Variants in PIK3C2G observed in about 807,000 individuals in gnomAD.
PIK3C2G encodes the protein phosphatidylinositol-4-phosphate 3-kinase catalytic subunit type 2 gamma.
A neutral mutation model predicts 181.1 loss-of-function variants in PIK3C2G; 168 were observed. The ratio of observed to expected loss-of-function variants is 0.93; its 90% confidence interval spans 0.82 to 1.05. The LOEUF is 1.05. PIK3C2G is among the 50% of genes least tolerant of loss of function. The pLI, the probability that PIK3C2G is intolerant of heterozygous loss-of-function variation, is 0.00. For synonymous variants in PIK3C2G, 573 were observed against 592.2 expected (o/e 0.97, Z 0.47); for missense variants, 1,869 against 1,732.8 (o/e 1.08, Z -1.40).
the PIK3C2G span, among the ~76,000 whole-genome samples, chr12:18,725,677 T>C: frequency 1.3e-5 from 2 of 152,176 alleles, no homozygotes; most frequent in African/African-American, 2.4e-5. Context: ...TCTGCTCTTA[T>C]CTTTTTCCTC....
At chr12:18,601,871 C>G (rs1947736634) in intron 30 of PIK3C2G, among the ~76,000 whole-genome samples, 1 of 152,104 alleles carries the variant, frequency 6.6e-6, no homozygotes, top group Non-Finnish European at 1.5e-5. Flanking sequence ...GTAGAGGAAG[C>G]AGCAGAAAGG....
intron 24 of PIK3C2G, among the ~76,000 whole-genome samples, chr12:18,529,761 T>C (rs1943444420): frequency 6.6e-6 from 1 of 152,156 alleles, no homozygotes; most frequent in Non-Finnish European, 1.5e-5. Flanking sequence ...ATATGGCCAT[T>C]TCCACTGTGA....
At chr12:18,303,139 T>TTTCTTTCTTTCTTTCTTCC (rs71302109) in intron 5 of PIK3C2G, among the ~76,000 whole-genome samples, 1 of 128,660 alleles carries the variant, frequency 7.8e-6, no homozygotes, top group South Asian at 2.5e-4. Context: ...TCTTTCTTTC[T>TTTCTTTCTTTCTTTCTTCC]TTTCTTTTCT....
intron 1 of PIK3C2G, among the ~76,000 whole-genome samples, chr12:18,271,974 T>C (rs1441923242): frequency 6.6e-6 from 1 of 152,160 alleles, no homozygotes; most frequent in Non-Finnish European, 1.5e-5. Context: ...ACCTCCCATG[T>C]CTAGAAATTT....
At position 18,648,283 on chromosome 12, in the gene PIK3C2G, A is replaced by G. The variant is rs1487201109; in HGVS notation, c.*255A>G. 3 of 252,046 alleles carry G rather than the reference A, an allele frequency of 1.2e-5. No homozygotes were observed. Among genetic ancestry groups the G allele is most frequent in the Non-Finnish European group, 2.3e-5 (3 of 131,802 alleles). The allele number at this position is 252,046 out of a possible 1,614,324, so 15.6% of individuals were successfully genotyped here. A position where few individuals can be genotyped will look rare whatever the true frequency, so the allele number is the denominator to read the frequency against. On this transcript the variant is annotated 3_prime_UTR_variant, in exon 33 of 33. Transcript: ENST00000538779. ...ATGTGTAAAATAATAAAAGACCTTT[A>G]TTAAATCATTTTAATATATTTTAAA... is the stretch of plus-strand genomic sequence containing the variant.
chr12:18,299,233 T>G (rs560907276), intron 5 of PIK3C2G, among the ~76,000 whole-genome samples: 1 of 152,092 alleles, frequency 6.6e-6, no homozygotes, highest in African/African-American at 2.4e-5. Context: ...AGATTTGTAG[T>G]TTTCCTTGCA....
At chr12:18,626,418 T>C (rs938921822) in intron 31 of PIK3C2G, among the ~76,000 whole-genome samples, 2 of 152,006 alleles carry the variant, frequency 1.3e-5, no homozygotes, top group Non-Finnish European at 2.9e-5. Flanking sequence ...AATTTTGTCT[T>C]TGTGCCTGGG....
chr12:18,566,745 TA>T (rs1945657263), intron 28 of PIK3C2G, among the ~76,000 whole-genome samples: 1 of 152,184 alleles, frequency 6.6e-6, no homozygotes, highest in African/African-American at 2.4e-5. Flanking sequence ...ATTAAGTTAG[TA>T]TTAATATTAA....
rs1026882280 is a variant in PIK3C2G, at chr12:18,631,746, G to C, written c.4183-8683G>C. 6.6e-5 allele frequency among the ~76,000 whole-genome samples: 10 copies of C among 152,198 alleles called. No homozygotes were observed. In the South Asian group the frequency reaches 2.1e-3, roughly 32 times the overall value. On this transcript the variant is annotated intron_variant, in intron 31 of 32. Coordinates refer to ENST00000538779, the MANE Select transcript of PIK3C2G (RefSeq NM_001288772.2). ...GTGGATTTGAAAATCAAGGATGAGG[G>C]GGGCACCAGGAAAACTGAGTAGCAG...
the PIK3C2G span, among the ~76,000 whole-genome samples, chr12:18,670,939 T>C: frequency 6.6e-6 from 1 of 151,998 alleles, no homozygotes; most frequent in Non-Finnish European, 1.5e-5. Context: ...TCCCAACACT[T>C]TGGGAGGCTG....
intron 17 of PIK3C2G, among the ~76,000 whole-genome samples, chr12:18,423,671 C>T (rs1165585309): frequency 6.6e-6 from 1 of 152,024 alleles, no homozygotes; most frequent in Non-Finnish European, 1.5e-5. Context: ...AGTATTCTCC[C>T]CTGGTACATG....
intron 5 of PIK3C2G, among the ~76,000 whole-genome samples, chr12:18,297,872 T>C (rs936739859): frequency 5.9e-5 from 9 of 152,036 alleles, no homozygotes; most frequent in Non-Finnish European, 1.3e-4. Flanking sequence ...TTTTAAATAA[T>C]TGAACAGTAT....
chr12:18,472,978 G>A (rs936344195), intron 18 of PIK3C2G, among the ~76,000 whole-genome samples: 1 of 152,132 alleles, frequency 6.6e-6, no homozygotes, highest in Non-Finnish European at 1.5e-5. Context: ...AGGATTACAG[G>A]CGTGAGCCGT....
At chr12:18,301,729 C>G (rs6486899) in intron 5 of PIK3C2G, among the ~76,000 whole-genome samples, 68,178 of 151,654 alleles carry the variant, frequency 0.45, 15,589 homozygotes, top group Non-Finnish European at 0.51. Context: ...GAATGAAATT[C>G]GTGGCTGGAG....
At chr12:18,415,791 A>G (rs1317416364) in intron 16 of PIK3C2G, among the ~76,000 whole-genome samples, 4 of 152,212 alleles carry the variant, frequency 2.6e-5, no homozygotes, top group Admixed American at 2.6e-4. Flanking sequence ...CAAGGGACAA[A>G]GTCGGAGTGA....
intron 26 of PIK3C2G, among the ~76,000 whole-genome samples, chr12:18,549,335 G>T (rs929112158): frequency 1.3e-5 from 2 of 151,970 alleles, no homozygotes; most frequent in South Asian, 4.1e-4. Context: ...CTATTTAACA[G>T]AAAATGCAAT....
chr12:18,534,141 G>T (rs1457674985), intron 24 of PIK3C2G, among the ~76,000 whole-genome samples: 1 of 151,334 alleles, frequency 6.6e-6, no homozygotes, highest in Non-Finnish European at 1.5e-5. Context: ...GTAGAGATAG[G>T]GTTTCACCAT....
At chr12:18,561,794 A>C (rs114049615) in intron 26 of PIK3C2G, among the ~76,000 whole-genome samples, 5,625 of 152,076 alleles carry the variant, frequency 0.037, 220 homozygotes, top group African/African-American at 0.099. Context: ...TAAAAACACC[A>C]AAAACAAAGG....
chr12:18,452,051 G>A (rs1038214629), intron 18 of PIK3C2G, among the ~76,000 whole-genome samples: 5 of 152,132 alleles, frequency 3.3e-5, no homozygotes, highest in African/African-American at 4.8e-5. Flanking sequence ...TTGTGTCTCT[G>A]CCAGGTTTTG....
Sources: allele counts gnomAD v4.1 joint callset (sites outside exome capture counted in the v4.1 genomes callset), GRCh38; gene constraint gnomAD v4.1.1; transcripts MANE v1.5; gene names NCBI Gene and HGNC (gene_info 2026-07-23, HGNC 2026-07-21).